The following PAK1 variants were observed in gnomAD, a reference collection of about 807,000 sequenced individuals.
PAK1 encodes serine/threonine-protein kinase PAK 1.
PAK1 carries 29 observed loss-of-function variants against 67.4 expected under a neutral mutation model. The observed-to-expected ratio is 0.43, with a 90% CI of 0.32 to 0.59. PAK1 has a LOEUF of 0.59. PAK1 is among the 20% of genes least tolerant of loss of function. The probability of loss-of-function intolerance (pLI) is 0.07; values close to 1 mark genes in which losing one functional copy is unlikely to be tolerated. For missense variants in PAK1, 337 were observed against 670.7 expected, an observed-to-expected ratio of 0.50 and a Z score of 5.50; for synonymous variants, 223 against 237.4, an observed-to-expected ratio of 0.94 and a Z score of 0.56.
At chr11:77,482,596 T>C in the PAK1 span, among the ~76,000 whole-genome samples, 2 of 136,096 alleles carry the variant, frequency 1.5e-5, no homozygotes, top group Non-Finnish European at 3.2e-5. Flanking sequence ...ACTCTTTTTT[T>C]CTTTTTTTTT....
At chr11:77,360,368 G>A (rs1159201566) in intron 5 of PAK1, among the ~76,000 whole-genome samples, 2 of 152,274 alleles carry the variant, frequency 1.3e-5, no homozygotes, top group South Asian at 4.1e-4. Flanking sequence ...GAAGGAAGAG[G>A]AGTGTTATAA....
At chr11:77,501,037 G>A in the PAK1 span, among the ~76,000 whole-genome samples, 5 of 151,884 alleles carry the variant, frequency 3.3e-5, no homozygotes, top group African/African-American at 1.2e-4. Context: ...TGTAGTCCCA[G>A]CTACTTGGAA....
chr11:77,471,131 A>G (rs930090869), intron 1 of PAK1, among the ~76,000 whole-genome samples: 1 of 152,214 alleles, frequency 6.6e-6, no homozygotes, highest in Non-Finnish European at 1.5e-5. Context: ...CTAGGATTAA[A>G]GCAATGACCA....
At chr11:77,524,804 C>T in the PAK1 span, among the ~76,000 whole-genome samples, 1 of 152,110 alleles carries the variant, frequency 6.6e-6, no homozygotes, top group Non-Finnish European at 1.5e-5. Flanking sequence ...TTTGCTTTAT[C>T]TTTAGCACAT....
intron 14 of PAK1, among the ~76,000 whole-genome samples, chr11:77,330,232 G>A (rs1458267557): frequency 6.6e-6 from 1 of 152,106 alleles, no homozygotes; most frequent in African/African-American, 2.4e-5. Flanking sequence ...TAGATTCAAT[G>A]CCATCCCCAT....
At chr11:77,401,383 G>A (rs571739671) in intron 1 of PAK1, among the ~76,000 whole-genome samples, 50 of 152,270 alleles carry the variant, frequency 3.3e-4, no homozygotes, top group African/African-American at 1.1e-3. Flanking sequence ...ACTGTTGGCT[G>A]TTTCTGGGTG....
At chr11:77,431,756 T>C (rs1267756817) in intron 1 of PAK1, among the ~76,000 whole-genome samples, 2 of 152,310 alleles carry the variant, frequency 1.3e-5, no homozygotes, top group Non-Finnish European at 2.9e-5. Flanking sequence ...TTTCACAACA[T>C]GTCATAACTA....
chr11:77,471,749 T>C (rs1957866260), intron 1 of PAK1, among the ~76,000 whole-genome samples: 1 of 152,204 alleles, frequency 6.6e-6, no homozygotes, highest in Non-Finnish European at 1.5e-5. Flanking sequence ...GGTAAGGTTT[T>C]GTTTTACAGA....
chr11:77,460,084 G>A (rs184599890), intron 1 of PAK1, among the ~76,000 whole-genome samples: 2 of 149,206 alleles, frequency 1.3e-5, no homozygotes, highest in Admixed American at 6.7e-5. Flanking sequence ...CCAGAATTGC[G>A]AACAGCAAAC....
At chr11:77,479,033 C>T (rs1376965066), upstream of PAK1, among the ~76,000 whole-genome samples, 1 of 147,734 alleles carries the variant, frequency 6.8e-6, no homozygotes, top group African/African-American at 2.5e-5. Context: ...TGCAGTGAGC[C>T]GAGACCGCGC....
chr11:77,325,327 C>A (rs898369817), intron 14 of PAK1: 3 of 1,613,660 alleles, frequency 1.9e-6, no homozygotes, highest in Admixed American at 3.3e-5. Context: ...CTGCTACTTA[C>A]CAGCTATCAT....
At chr11:77,465,392 T>C (rs1308531090) in intron 1 of PAK1, among the ~76,000 whole-genome samples, 2 of 152,100 alleles carry the variant, frequency 1.3e-5, no homozygotes, top group Non-Finnish European at 2.9e-5. Flanking sequence ...TGAGACTCTA[T>C]ATAAAAGGGT....
intron 2 of PAK1, among the ~76,000 whole-genome samples, chr11:77,381,097 G>C (rs933167241): frequency 6.6e-6 from 1 of 151,674 alleles, no homozygotes; most frequent in Non-Finnish European, 1.5e-5. Flanking sequence ...AAAACAAAAA[G>C]GTCTAGAGTT....
intron 6 of PAK1, among the ~76,000 whole-genome samples, chr11:77,357,628 C>A (rs905970775): frequency 2.0e-5 from 3 of 152,128 alleles, no homozygotes; most frequent in Non-Finnish European, 4.4e-5. Flanking sequence ...GGGTTAATTA[C>A]CTGCTTTCAA....
At chr11:77,477,211 A>G (rs1347857523), upstream of PAK1, among the ~76,000 whole-genome samples, 1 of 152,216 alleles carries the variant, frequency 6.6e-6, no homozygotes, top group African/African-American at 2.4e-5. Context: ...TGTATACAGT[A>G]AGTCCTCACT....
At chr11:77,392,256 A>C in intron 2 of PAK1, 75 bp downstream of exon 2, 1 of 1,024,326 alleles carries the variant, frequency 9.8e-7, no homozygotes, top group Non-Finnish European at 1.4e-6. Context: ...CAAAGACAAC[A>C]GATCTTTTAT....
the PAK1 span, among the ~76,000 whole-genome samples, chr11:77,495,290 A>C: frequency 6.6e-6 from 1 of 151,826 alleles, no homozygotes; most frequent in Non-Finnish European, 1.5e-5. Context: ...CCTGGCCAAC[A>C]TGGTGAAACC....
chr11:77,467,674 C>G (rs1957660803), intron 1 of PAK1, among the ~76,000 whole-genome samples: 1 of 152,186 alleles, frequency 6.6e-6, no homozygotes, highest in Non-Finnish European at 1.5e-5. Context: ...CACTGCTACA[C>G]ACAATCATAG....
At chr11:77,477,591 A>G (rs1319569761), upstream of PAK1, among the ~76,000 whole-genome samples, 1 of 148,000 alleles carries the variant, frequency 6.8e-6, no homozygotes, top group East Asian at 2.1e-4. Context: ...CCCAAATACA[A>G]AAAATTAGCC....
Sources: allele counts gnomAD v4.1 joint callset (sites outside exome capture counted in the v4.1 genomes callset), GRCh38; gene constraint gnomAD v4.1.1; transcripts MANE v1.5; gene names NCBI Gene and HGNC (gene_info 2026-07-23, HGNC 2026-07-21).